Variants in ADAMTS6 observed in about 807,000 individuals in gnomAD.
ADAMTS6 encodes the protein A disintegrin and metalloproteinase with thrombospondin motifs 6.
ADAMTS6 carries 23 observed loss-of-function variants against 144.3 expected under a neutral mutation model. That is an observed-to-expected ratio of 0.16 (90% CI 0.11 to 0.23). The LOEUF (loss-of-function observed/expected upper bound fraction) is 0.23. ADAMTS6 is among the 10% of genes least tolerant of loss of function. The probability of loss-of-function intolerance (pLI) is 1.00; values close to 1 mark genes in which losing one functional copy is unlikely to be tolerated. For missense variants in ADAMTS6, 999 were observed against 1,379.6 expected (o/e 0.72, Z 4.37); for synonymous variants, 444 against 457.5 (o/e 0.97, Z 0.38).
intron 7 of ADAMTS6, among the ~76,000 whole-genome samples, chr5:65,420,942 G>A (rs764823995): frequency 4.6e-5 from 7 of 152,114 alleles, no homozygotes; most frequent in South Asian, 2.1e-4. Flanking sequence ...CCTTTACCTC[G>A]AGTCTGTAAG....
intron 7 of ADAMTS6, among the ~76,000 whole-genome samples, chr5:65,389,072 C>T (rs1752701796): frequency 6.6e-6 from 1 of 152,166 alleles, no homozygotes; most frequent in Admixed American, 6.5e-5. Flanking sequence ...GGCGTGGTGG[C>T]GGACGCCTGT....
At chr5:65,215,233 C>T in intron 19 of ADAMTS6, 91 bp downstream of exon 19, 4 of 1,387,464 alleles carry the variant, frequency 2.9e-6, no homozygotes, top group Non-Finnish European at 4.0e-6. Flanking sequence ...AATTTCATCA[C>T]CTGTAAAGCA....
intron 7 of ADAMTS6, among the ~76,000 whole-genome samples, chr5:65,362,488 A>G (rs575668114): frequency 4.1e-4 from 62 of 152,316 alleles, no homozygotes; most frequent in Admixed American, 1.1e-3. Flanking sequence ...TTTTCCTCCA[A>G]AAAATTATCC....
chr5:65,417,059 C>A (rs1289765869), intron 7 of ADAMTS6, among the ~76,000 whole-genome samples: 2 of 152,114 alleles, frequency 1.3e-5, no homozygotes, highest in Non-Finnish European at 1.5e-5. Context: ...TCTTGGGATG[C>A]AAGGTTGGTT....
intron 7 of ADAMTS6, among the ~76,000 whole-genome samples, chr5:65,344,474 G>A (rs1748135214): frequency 6.8e-6 from 1 of 146,066 alleles, no homozygotes; most frequent in African/African-American, 2.8e-5. Context: ...TTCTAAGTCA[G>A]GAAAGATATA....
intron 20 of ADAMTS6, among the ~76,000 whole-genome samples, chr5:65,213,761 G>A (rs958998811): frequency 6.6e-6 from 1 of 152,094 alleles, no homozygotes; most frequent in African/African-American, 2.4e-5. Context: ...ATACAAGACA[G>A]GATGAAGTCT....
intron 7 of ADAMTS6, among the ~76,000 whole-genome samples, chr5:65,358,363 T>C (rs1205145355): frequency 6.6e-6 from 1 of 151,922 alleles, no homozygotes. Context: ...TAACATCATA[T>C]TGAGTGGGGA....
chr5:65,158,900 T>G (rs1752585118), intron 24 of ADAMTS6, among the ~76,000 whole-genome samples: 1 of 152,148 alleles, frequency 6.6e-6, no homozygotes, highest in African/African-American at 2.4e-5. Flanking sequence ...TTGCTTGACC[T>G]CCCTCCATTT....
chr5:65,366,928 C>T (rs530626293), intron 7 of ADAMTS6, among the ~76,000 whole-genome samples: 1 of 152,242 alleles, frequency 6.6e-6, no homozygotes, highest in Admixed American at 6.5e-5. Context: ...GCATGGATAA[C>T]AACCAAGACA....
At chr5:65,334,109 T>C in intron 7 of ADAMTS6, 24 bp from the exon 8 acceptor site, 1 of 1,517,768 alleles carries the variant, frequency 6.6e-7, no homozygotes, top group Non-Finnish European at 8.8e-7. Flanking sequence ...AGAGATGAAA[T>C]TTGTAATCTG....
intron 15 of ADAMTS6, among the ~76,000 whole-genome samples, chr5:65,240,844 A>G (rs1759114448): frequency 6.6e-6 from 1 of 152,184 alleles, no homozygotes; most frequent in Non-Finnish European, 1.5e-5. Flanking sequence ...GGTAAAGCCA[A>G]TGTTCTGTAT....
chr5:65,447,838 T>TTATAA (rs55713217), intron 7 of ADAMTS6, among the ~76,000 whole-genome samples: 89,654 of 148,712 alleles, frequency 0.6, 28,847 homozygotes, highest in African/African-American at 0.84. Context: ...TAATGTATAT[T>TTATAA]TATAATATAT....
intron 7 of ADAMTS6, among the ~76,000 whole-genome samples, chr5:65,411,909 T>A (rs1383913746): frequency 6.6e-6 from 1 of 152,164 alleles, no homozygotes; most frequent in Non-Finnish European, 1.5e-5. Flanking sequence ...ATACTATGTA[T>A]CCCATGAAGT....
At chr5:65,250,429 A>G (rs2112538032) in intron 14 of ADAMTS6, among the ~76,000 whole-genome samples, 1 of 152,294 alleles carries the variant, frequency 6.6e-6, no homozygotes, top group East Asian at 1.9e-4. Context: ...AAGCAAAAAC[A>G]CTGTTTAATG....
chr5:65,338,618 G>C (rs1457026631), intron 7 of ADAMTS6, among the ~76,000 whole-genome samples: 1 of 151,846 alleles, frequency 6.6e-6, no homozygotes, highest in Non-Finnish European at 1.5e-5. Flanking sequence ...GCAGCCCCAT[G>C]GGCTGCCCCT....
At chr5:65,372,931 C>G (rs1354547677) in intron 7 of ADAMTS6, among the ~76,000 whole-genome samples, 13 of 152,132 alleles carry the variant, frequency 8.5e-5, no homozygotes, top group Admixed American at 8.5e-4. Context: ...TGCAATCAAA[C>G]TAGAACTCAG....
rs897217807 is a variant in ADAMTS6, at chr5:65,435,509, G to A, written c.1073+15966C>T. On this transcript the variant is annotated intron_variant, in intron 7 of 24. Coordinates refer to ENST00000381055, the MANE Select transcript of ADAMTS6 (RefSeq NM_197941.4). Reference sequence around the variant, plus strand: ...AATACTATAAGAATGTTAATTTACTGTTCCTGATAACTGCATTATTGTTAC... The same window carrying A: ...AATACTATAAGAATGTTAATTTACTATTCCTGATAACTGCATTATTGTTAC... Among the ~76,000 whole-genome samples, 3 of 151,954 alleles carry A rather than the reference G, an allele frequency of 2.0e-5. 1 individual carries two copies. In the South Asian group the frequency reaches 6.2e-4, roughly 32 times the overall value.
intron 14 of ADAMTS6, among the ~76,000 whole-genome samples, chr5:65,253,569 AC>A (rs1455819794): frequency 6.6e-6 from 1 of 152,180 alleles, no homozygotes; most frequent in Non-Finnish European, 1.5e-5. Context: ...TAAAATATAT[AC>A]TAAGGCAGGA....
chr5:65,480,063 A>C (rs914982312), intron 1 of ADAMTS6, among the ~76,000 whole-genome samples: 7 of 152,194 alleles, frequency 4.6e-5, no homozygotes, highest in Admixed American at 3.9e-4. Context: ...AATTTTCTTA[A>C]TTTCTTTCAA....
Sources: allele counts gnomAD v4.1 joint callset (sites outside exome capture counted in the v4.1 genomes callset), GRCh38; gene constraint gnomAD v4.1.1; transcripts MANE v1.5; gene names NCBI Gene and HGNC (gene_info 2026-07-23, HGNC 2026-07-21).